MANBA: variants seen among roughly 807,000 people sequenced by gnomAD.
MANBA encodes the protein beta-mannosidase.
MANBA carries 83 observed loss-of-function variants against 111.1 expected under a neutral mutation model. The ratio of observed to expected loss-of-function variants is 0.75; its 90% CI spans 0.63 to 0.90. The LOEUF (loss-of-function observed/expected upper bound fraction) is 0.90. MANBA is among the 40% of genes least tolerant of loss of function. The pLI is 0.00. For synonymous variants in MANBA, 370 were observed against 378.7 expected (o/e 0.98, Z 0.27); for missense variants, 1,036 against 1,069.0 (o/e 0.97, Z 0.43).
chr4:102,743,682 G>C (rs535815985), intron 1 of MANBA, among the ~76,000 whole-genome samples: 1 of 152,264 alleles, frequency 6.6e-6, no homozygotes, highest in Non-Finnish European at 1.5e-5. Context: ...TCCATTTGAT[G>C]AGGGAATGCT....
chr4:102,663,422 C>G (rs1270171365), intron 11 of MANBA, among the ~76,000 whole-genome samples: 1 of 152,072 alleles, frequency 6.6e-6, no homozygotes, highest in East Asian at 1.9e-4. Flanking sequence ...ATAAATCCAT[C>G]AAACATGAAA....
rs1722852521 is a variant in MANBA at position 102,727,432 on chromosome 4, G to A, written c.178-749C>T. 6 of 1,234,900 alleles carry A rather than the reference G, an allele frequency of 4.9e-6. No homozygotes were observed. In the East Asian group the frequency reaches 1.2e-4, roughly 24 times the overall value. The allele number at this position is 1,234,900 out of a possible 1,614,324, so 76.5% of individuals were successfully genotyped here. On this transcript the variant is annotated intron_variant, in intron 1 of 16. Coordinates refer to ENST00000647097, the MANE Select transcript of MANBA (RefSeq NM_005908.4). ...TGTCCTGGAGATGAGCTTGGTATAG[G>A]CCAATTGCACATGGGTCTCAGAGCA...
chr4:102,648,626 T>C (rs1234178929), intron 13 of MANBA, among the ~76,000 whole-genome samples: 1 of 152,152 alleles, frequency 6.6e-6, no homozygotes, highest in Non-Finnish European at 1.5e-5. Context: ...CTTTTTAGAA[T>C]GACAGAAATA....
rs541951008 is a variant in MANBA, at chr4:102,693,660, T to C, written c.674-2889A>G. On this transcript the variant is annotated intron_variant, in intron 5 of 16. Transcript: ENST00000647097. ...CCAGAGCAGACTAACTTAATAGTCATGCTCATTTGTTTACTTATTGTCTTT... is the reference window on the plus strand; with the variant it reads ...CCAGAGCAGACTAACTTAATAGTCACGCTCATTTGTTTACTTATTGTCTTT... 3.0e-4 allele frequency among the ~76,000 whole-genome samples: 46 copies of C among 152,314 alleles called. 1 individual carries two copies. Among genetic ancestry groups the C allele is most frequent in the South Asian group, 2.9e-3 (14 of 4,822 alleles).
rs763339691 is a variant in MANBA at position 102,657,788 on chromosome 4, A to C, written c.1598T>G (p.Phe533Cys). The C allele has an allele frequency of 2.5e-6, 4 of 1,613,736 alleles. No homozygotes were observed. The highest frequency in any genetic ancestry group is 3.4e-6 in the Non-Finnish European group (4 of 1,179,660). Reference sequence around the variant, plus strand: ...CCAGCAATCACTGATATAGTCATAAAAATGTACATCACCAAAATAATTGCT... The same window carrying C: ...CCAGCAATCACTGATATAGTCATAACAATGTACATCACCAAAATAATTGCT... ...PNSNYFGDVHFYDYISDCWNW... is the reference protein window; with the variant it reads ...PNSNYFGDVHCYDYISDCWNW... The change falls in exon 12 of 17, where the codon TTT becomes TGT. Residue 533 changes from phenylalanine (F) to cysteine (C), a missense_variant. Transcript: ENST00000647097.
intron 1 of MANBA, among the ~76,000 whole-genome samples, chr4:102,747,040 C>A (rs1723613290): frequency 6.6e-6 from 1 of 151,512 alleles, no homozygotes; most frequent in African/African-American, 2.4e-5. Flanking sequence ...AAGCAGCCAA[C>A]TCCAGAAACC....
At chr4:102,672,356 T>G (rs1678071083) in intron 8 of MANBA, among the ~76,000 whole-genome samples, 2 of 152,214 alleles carry the variant, frequency 1.3e-5, no homozygotes, top group Admixed American at 1.3e-4. Flanking sequence ...AAGTTTATTT[T>G]CAGCATTGCA....
rs777151264 is a variant in MANBA at position 102,630,809 on chromosome 4, T to G, written c.*1248A>C. The G allele has an allele frequency of 5.3e-5, 8 of 152,184 alleles. No individual in the cohort carries two copies. Among genetic ancestry groups the G allele is most frequent in the Non-Finnish European group, 1.0e-4 (7 of 68,036 alleles). 9.4% of individuals were successfully genotyped at this position (152,184 alleles called of 1,614,324 possible). On this transcript the variant is annotated 3_prime_UTR_variant, in exon 17 of 17. Transcript: ENST00000647097. Reference sequence around the variant, plus strand: ...TCAAAACAAACTTACAAGGTGGGTGTTACCACTCCCATTTAGCCACAAGAA... The same window carrying G: ...TCAAAACAAACTTACAAGGTGGGTGGTACCACTCCCATTTAGCCACAAGAA...
At chr4:102,685,563 C>G (rs1214431054) in intron 7 of MANBA, among the ~76,000 whole-genome samples, 1 of 152,090 alleles carries the variant, frequency 6.6e-6, no homozygotes, top group Non-Finnish European at 1.5e-5. Flanking sequence ...CTTCTTATCT[C>G]CTACCTCCCA....
Position 102,631,691 on chromosome 4 carries a change from C to A in MANBA, c.*366G>T. 2.0e-6 allele frequency: 1 copy of A among 503,302 alleles called. No individual in the cohort carries two copies. The highest frequency in any genetic ancestry group is 4.2e-5 in the South Asian group (1 of 23,980). 31.2% of individuals were successfully genotyped at this position (503,302 alleles called of 1,614,324 possible). ...AAAGCTAGCTGTGAAAGACCTACATCACCTCAAAACCTTCCATTTGGTTCC... is the reference window on the plus strand; with the variant it reads ...AAAGCTAGCTGTGAAAGACCTACATAACCTCAAAACCTTCCATTTGGTTCC... On this transcript the variant is annotated 3_prime_UTR_variant, in exon 17 of 17. Transcript: ENST00000647097.
intron 13 of MANBA, among the ~76,000 whole-genome samples, chr4:102,646,730 G>A (rs1290670841): frequency 6.6e-6 from 1 of 152,074 alleles, no homozygotes; most frequent in East Asian, 1.9e-4. Flanking sequence ...GCTAAAGAGG[G>A]TGTGCTCATG....
intron 16 of MANBA, chr4:102,633,239 C>T (rs891743363): frequency 5.0e-6 from 2 of 398,394 alleles, no homozygotes; most frequent in African/African-American, 4.1e-5. Context: ...ATGGCAAATT[C>T]CCAGATCGCA....
chr4:102,687,795 T>C (rs1224201025), intron 7 of MANBA, among the ~76,000 whole-genome samples: 1 of 152,140 alleles, frequency 6.6e-6, no homozygotes, highest in Non-Finnish European at 1.5e-5. Context: ...AGAAACAGTG[T>C]CTTAGTCACA....
intron 5 of MANBA, among the ~76,000 whole-genome samples, chr4:102,694,847 G>T (rs577585263): frequency 2.6e-4 from 39 of 152,176 alleles, no homozygotes; most frequent in African/African-American, 9.1e-4. Flanking sequence ...TCCCTGGCCT[G>T]AAGGCTTATT....
intron 1 of MANBA, chr4:102,730,618 T>C (rs1318201364): frequency 1.8e-6 from 1 of 542,030 alleles, no homozygotes; most frequent in Non-Finnish European, 3.7e-6. Flanking sequence ...GTTGATGCCA[T>C]TGCTGTCTGA....
At chr4:102,704,556 T>C (rs1158558043) in intron 5 of MANBA, among the ~76,000 whole-genome samples, 5 of 152,186 alleles carry the variant, frequency 3.3e-5, no homozygotes, top group African/African-American at 4.8e-5. Context: ...ATGTACCTTT[T>C]TTTATTATGA....
intron 11 of MANBA, among the ~76,000 whole-genome samples, chr4:102,659,269 T>C (rs558469449): frequency 1.9e-4 from 29 of 152,312 alleles, no homozygotes; most frequent in African/African-American, 6.0e-4. Context: ...ATGAATATTT[T>C]GAAGGAAAAG....
chr4:102,642,389 C>T (rs1216628290), intron 13 of MANBA, among the ~76,000 whole-genome samples: 3 of 152,132 alleles, frequency 2.0e-5, no homozygotes, highest in Non-Finnish European at 4.4e-5. Flanking sequence ...GGGTGAATCA[C>T]GAGGTCAGGA....
chr4:102,729,009 C>T (rs1722920833), intron 1 of MANBA: 2 of 966,308 alleles, frequency 2.1e-6, no homozygotes, highest in African/African-American at 3.2e-5. Context: ...CTGTAGGTGG[C>T]TATCTCGATG....
Sources: allele counts gnomAD v4.1 joint callset (sites outside exome capture counted in the v4.1 genomes callset), GRCh38; gene constraint gnomAD v4.1.1; transcripts MANE v1.5; gene names NCBI Gene and HGNC (gene_info 2026-07-23, HGNC 2026-07-21).